The following HEATR5A variants were observed in gnomAD, a reference collection of about 807,000 sequenced individuals.
HEATR5A encodes HEAT repeat-containing protein 5A.
Under a neutral mutation model 218.8 loss-of-function variants are expected in HEATR5A, and 178 were observed. That is an observed-to-expected ratio of 0.81 (90% CI 0.72 to 0.92). The LOEUF (loss-of-function observed/expected upper bound fraction) is 0.92. Among genes scored for constraint, HEATR5A ranks in the 40% least tolerant of loss-of-function variants. HEATR5A has a pLI of 0.00. For synonymous variants in HEATR5A, 864 were observed against 871.6 expected, an observed-to-expected ratio of 0.99 and a Z score of 0.15; for missense variants, 2,420 against 2,418.9, an observed-to-expected ratio of 1.00 and a Z score of -0.01.
At chr14:31,296,758 CTG>C (rs1899200426) in intron 33 of HEATR5A, 1 of 152,062 alleles carries the variant, frequency 6.6e-6, no homozygotes, top group African/African-American at 2.4e-5. Context: ...AAAAAAATCA[CTG>C]TTATTCAAAA....
intron 13 of HEATR5A, among the ~76,000 whole-genome samples, chr14:31,370,562 T>A (rs1274154159): frequency 6.6e-6 from 1 of 152,116 alleles, no homozygotes; most frequent in Non-Finnish European, 1.5e-5. Context: ...AACATAAAAA[T>A]ACGTTTTAGC....
chr14:31,372,055 G>A, intron 12 of HEATR5A, 146 bp from the exon 13 acceptor site: 1 of 494,832 alleles, frequency 2.0e-6, no homozygotes, highest in Non-Finnish European at 3.6e-6. Flanking sequence ...AGTATAAAAA[G>A]GTATATAGTG....
intron 25 of HEATR5A, among the ~76,000 whole-genome samples, chr14:31,321,149 C>A (rs1215165993): frequency 1.3e-5 from 2 of 151,790 alleles, no homozygotes; most frequent in African/African-American, 2.4e-5. Context: ...ACTTTCCCAT[C>A]CTCAGACAGT....
In HEATR5A at chr14:31,292,099, CTT is replaced by C. The variant is rs1262453714; in HGVS notation, c.*1204_*1205del. On this transcript the variant is annotated 3_prime_UTR_variant, in exon 36 of 36. Transcript: ENST00000543095. ...AAAAAATATTTTTCAACCAATATGA[CTT>C]TATCATTAATCTTTTTTCTATAATA... 1 of 152,140 alleles carries C rather than the reference CTT, an allele frequency of 6.6e-6. No individual in the cohort carries two copies. The highest frequency in any genetic ancestry group is 1.5e-5 in the Non-Finnish European group (1 of 68,026). The allele number at this position is 152,140 out of a possible 1,614,324, so 9.4% of individuals were successfully genotyped here.
chr14:31,355,266 T>C (rs998154852), intron 16 of HEATR5A, among the ~76,000 whole-genome samples: 1 of 151,844 alleles, frequency 6.6e-6, no homozygotes, highest in African/African-American at 2.4e-5. Flanking sequence ...ATATAAAAAT[T>C]AGCCAGGCAT....
rs577497140 is a variant in HEATR5A, at chr14:31,344,268, C to CTTTTTTTTTTTTTTT, written c.3059-218_3059-204dup. On this transcript the variant is annotated intron_variant, in intron 20 of 35. Transcript: ENST00000543095. ...GTTACAGATTGTTAGATTAGTTATT[C>CTTTTTTTTTTTTTTT]TTTTTTTTTTTTTTTTTTTTTTTTT... Among the ~76,000 whole-genome samples the CTTTTTTTTTTTTTTT allele has an allele frequency of 2.1e-3, 106 of 50,830 alleles. 30 individuals are homozygous for CTTTTTTTTTTTTTTT. The highest frequency in any genetic ancestry group is 2.9e-3 in the Non-Finnish European group (80 of 27,196). The allele number at this position is 50,830 out of a possible 152,430, so 33.3% of individuals were successfully genotyped here.
chr14:31,328,318 A>G (rs1235620942), intron 22 of HEATR5A, among the ~76,000 whole-genome samples: 1 of 152,158 alleles, frequency 6.6e-6, no homozygotes, highest in East Asian at 1.9e-4. Flanking sequence ...AAATATTAGA[A>G]GGAGGTGATA....
At position 31,307,915 on chromosome 14, in the gene HEATR5A, C is replaced by T. The variant is rs1228321952; in HGVS notation, c.4796G>A (p.Arg1599Lys). ...CACCTGATCACTGCCAATTTTTGATCTGGGCCAAGGTACATCTAGAAGTGC... is the reference window on the plus strand; with the variant it reads ...CACCTGATCACTGCCAATTTTTGATTTGGGCCAAGGTACATCTAGAAGTGC... Reference protein sequence around the residue: ...LQALLDVPWPRSKIGSDQDLG... With the variant: ...LQALLDVPWPKSKIGSDQDLG... Residue 1599 changes from arginine to lysine, a missense_variant, in exon 30 of 36, where the codon AGA becomes AAA. Coordinates refer to ENST00000543095, the MANE Select transcript of HEATR5A (RefSeq NM_015473.4). 3 of 1,611,654 alleles carry T rather than the reference C, an allele frequency of 1.9e-6. No homozygotes were observed. Among genetic ancestry groups the T allele is most frequent in the Non-Finnish European group, 2.5e-6 (3 of 1,179,218 alleles).
At chr14:31,346,943 A>G (rs556866193) in intron 19 of HEATR5A, among the ~76,000 whole-genome samples, 1 of 152,350 alleles carries the variant, frequency 6.6e-6, no homozygotes, top group Admixed American at 6.5e-5. Context: ...TAAGATATGT[A>G]CAACGATATG....
intron 25 of HEATR5A, chr14:31,320,195 A>T: frequency 1.6e-6 from 1 of 609,408 alleles, no homozygotes; most frequent in Non-Finnish European, 3.1e-6. Flanking sequence ...TTGCAGCTGC[A>T]GGGACAGGCA....
chr14:31,370,425 C>A (rs528026686), intron 13 of HEATR5A, among the ~76,000 whole-genome samples: 153 of 152,144 alleles, frequency 1.0e-3, no homozygotes, highest in African/African-American at 3.6e-3. Context: ...CCATTTTTTA[C>A]CTATTGGATG....
At chr14:31,336,880 A>G (rs901051684) in intron 22 of HEATR5A, among the ~76,000 whole-genome samples, 2 of 152,226 alleles carry the variant, frequency 1.3e-5, no homozygotes. Flanking sequence ...TCATGTGAAC[A>G]TCATAGAGTG....
chr14:31,350,303 G>A (rs1443633231), intron 17 of HEATR5A, among the ~76,000 whole-genome samples: 7 of 152,158 alleles, frequency 4.6e-5, no homozygotes, highest in Middle Eastern at 3.4e-3. Flanking sequence ...ACATAGAAAC[G>A]GTAAGTCATA....
At chr14:31,332,778 G>A (rs1900516877) in intron 22 of HEATR5A, among the ~76,000 whole-genome samples, 1 of 152,044 alleles carries the variant, frequency 6.6e-6, no homozygotes, top group African/African-American at 2.4e-5. Flanking sequence ...CTAAGGTCAG[G>A]AGTTCAAGAC....
chr14:31,369,797 G>A (rs1044876785), intron 13 of HEATR5A, among the ~76,000 whole-genome samples: 3 of 151,628 alleles, frequency 2.0e-5, no homozygotes, highest in East Asian at 3.9e-4. Flanking sequence ...GTATGGTGGT[G>A]CATGCCTGTA....
chr14:31,413,465 C>T lies in HEATR5A; in HGVS notation c.-75+7007G>A, dbSNP rs73261105. 8.8e-3 allele frequency among the ~76,000 whole-genome samples: 1,306 copies of T among 148,484 alleles called. 18 individuals carry two copies. Among genetic ancestry groups the T allele is most frequent in the African/African-American group, 0.031 (1,256 of 40,158 alleles). On this transcript the variant is annotated intron_variant, in intron 1 of 35. Transcript: ENST00000543095. ...TGGTAGAAGCTGGATTCCATGATGG[C>T]GAGATTGCCAGTGGGAGCCCTAATT...
At chr14:31,374,383 C>T (rs1902150195) in intron 12 of HEATR5A, among the ~76,000 whole-genome samples, 1 of 150,666 alleles carries the variant, frequency 6.6e-6, no homozygotes, top group South Asian at 2.1e-4. Context: ...ATATTAGATA[C>T]ATTTTTGGGG....
chr14:31,373,020 C>T lies in HEATR5A; in HGVS notation c.1862-1111G>A, dbSNP rs73259343. On this transcript the variant is annotated intron_variant, in intron 12 of 35. Coordinates refer to ENST00000543095, the MANE Select transcript of HEATR5A (RefSeq NM_015473.4). ...GTGGTGCAACCACAACTCAATGAAGCCTCCACCTCCCACGCTCAGGTAATC... is the reference window on the plus strand; with the variant it reads ...GTGGTGCAACCACAACTCAATGAAGTCTCCACCTCCCACGCTCAGGTAATC... 9.1e-3 allele frequency among the ~76,000 whole-genome samples: 1,366 copies of T among 150,412 alleles called. 20 individuals carry two copies. Among genetic ancestry groups the T allele is most frequent in the African/African-American group, 0.032 (1,297 of 41,126 alleles).
chr14:31,374,360 G>A (rs1022431292), intron 12 of HEATR5A, among the ~76,000 whole-genome samples: 1 of 151,630 alleles, frequency 6.6e-6, no homozygotes, highest in Non-Finnish European at 1.5e-5. Context: ...TAAGGCTTCT[G>A]GTCAACAGTA....
Sources: allele counts gnomAD v4.1 joint callset (sites outside exome capture counted in the v4.1 genomes callset), GRCh38; gene constraint gnomAD v4.1.1; transcripts MANE v1.5; gene names NCBI Gene and HGNC (gene_info 2026-07-23, HGNC 2026-07-21).